Variants in OSBPL3 observed in about 807,000 individuals in gnomAD.
OSBPL3 encodes oxysterol-binding protein-related protein 3.
In OSBPL3, 65 loss-of-function variants were observed where a neutral mutation model predicts 120.1. The ratio of observed to expected loss-of-function variants is 0.54; its 90% CI spans 0.44 to 0.67. OSBPL3 has a LOEUF of 0.67. Among genes scored for constraint, OSBPL3 ranks in the 30% least tolerant of loss-of-function variants. The pLI, the probability that OSBPL3 is intolerant of heterozygous loss-of-function variation, is 0.00. For synonymous variants in OSBPL3, 416 were observed against 402.6 expected, an observed-to-expected ratio of 1.03 and a Z score of -0.40; for missense variants, 1,004 against 1,082.1, an observed-to-expected ratio of 0.93 and a Z score of 1.01.
At chr7:24,929,826 T>C (rs1344942116) in intron 1 of OSBPL3, among the ~76,000 whole-genome samples, 1 of 152,212 alleles carries the variant, frequency 6.6e-6, no homozygotes, top group Non-Finnish European at 1.5e-5. Flanking sequence ...TCATGTATGT[T>C]TTGCTCACTA....
intron 10 of OSBPL3, among the ~76,000 whole-genome samples, chr7:24,859,189 G>A (rs1800196366): frequency 6.6e-6 from 1 of 152,060 alleles, no homozygotes; most frequent in Non-Finnish European, 1.5e-5. Context: ...TAGAGGGTAA[G>A]GGAAGAGAGA....
intron 1 of OSBPL3, among the ~76,000 whole-genome samples, chr7:24,963,740 G>A (rs1227458860): frequency 6.6e-6 from 1 of 152,164 alleles, no homozygotes; most frequent in Non-Finnish European, 1.5e-5. Flanking sequence ...CACCTTTTGA[G>A]GTGTCTATTT....
rs188558292 is a variant in OSBPL3 at position 24,895,268 on chromosome 7, T to C, written c.-149-2647A>G. The stretch of plus-strand genomic sequence containing the variant: ...TGGTGGTCCCATAAGACTATAATTC[T>C]GTATTTTCACTGTACTTTCTCTGTG... On this transcript the variant is annotated intron_variant, in intron 1 of 22. Transcript: ENST00000313367. Among the ~76,000 whole-genome samples, 134 of 152,338 alleles carry C rather than the reference T, an allele frequency of 8.8e-4. 1 individual carries two copies. The Middle Eastern group carries it at 0.014, about 15-fold the overall frequency.
In OSBPL3 at chr7:24,927,140, A is replaced by T. The variant is rs189107503; in HGVS notation, c.-149-34519T>A. On this transcript the variant is annotated intron_variant, in intron 1 of 22. Coordinates refer to ENST00000313367, the MANE Select transcript of OSBPL3 (RefSeq NM_015550.4). ...AATGCTGCTTCCATTGTATGTCTGGAACTCATTTCAAGAGGATTCGTATGT... is the reference window on the plus strand; with the variant it reads ...AATGCTGCTTCCATTGTATGTCTGGTACTCATTTCAAGAGGATTCGTATGT... 2.6e-5 allele frequency among the ~76,000 whole-genome samples: 4 copies of T among 152,304 alleles called. No homozygotes were observed. The East Asian group carries it at 7.7e-4, about 29-fold the overall frequency.
intron 5 of OSBPL3, among the ~76,000 whole-genome samples, chr7:24,868,344 T>A (rs1400632130): frequency 2.7e-3 from 266 of 96,860 alleles, no homozygotes; most frequent in African/African-American, 0.012. Flanking sequence ...AAAAAGTGTG[T>A]GTGTGTGTGT....
At position 24,937,966 on chromosome 7, in the gene OSBPL3, G is replaced by A. The variant is rs534912418; in HGVS notation, c.-150+41920C>T. On this transcript the variant is annotated intron_variant, in intron 1 of 22. Coordinates refer to ENST00000313367, the MANE Select transcript of OSBPL3 (RefSeq NM_015550.4). This position sits in a 1 kb window ranked among gnomAD's most constrained non-coding sequence, Gnocchi z 4.0. ...GTGAAGGACAGAGAAGAAAACTATG[G>A]AGTGTTCTGCTTGGGTAACAAAAGT... is the stretch of plus-strand genomic sequence containing the variant. 3.0e-4 allele frequency among the ~76,000 whole-genome samples: 46 copies of A among 152,278 alleles called. No homozygotes were observed. The highest frequency in any genetic ancestry group is 1.1e-3 in the African/African-American group (45 of 41,540).
intron 7 of OSBPL3, among the ~76,000 whole-genome samples, chr7:24,865,053 T>A (rs966084981): frequency 6.6e-6 from 1 of 152,204 alleles, no homozygotes; most frequent in Non-Finnish European, 1.5e-5. Flanking sequence ...TGTCAGACTC[T>A]GCCCTTGGAG....
rs1192906587 is a variant in OSBPL3 at position 24,851,458 on chromosome 7, G to A, written c.1158+1046C>T. 6.6e-6 allele frequency among the ~76,000 whole-genome samples: 1 copy of A among 152,106 alleles called. No individual in the cohort carries two copies. Among genetic ancestry groups the A allele is most frequent in the African/African-American group, 2.4e-5 (1 of 41,412 alleles). The stretch of plus-strand genomic sequence containing the variant: ...GGATTTATCACTAACATTATATTAA[G>A]AGCATCACTTTTCTTGGCAATACGA... On this transcript the variant is annotated intron_variant, in intron 11 of 22. Transcript: ENST00000313367. The surrounding 1 kb of genome is among the most constrained non-coding windows in gnomAD (Gnocchi z 4.1).
intron 1 of OSBPL3, among the ~76,000 whole-genome samples, chr7:24,910,533 A>C (rs879439868): frequency 6.6e-6 from 1 of 152,276 alleles, no homozygotes; most frequent in Non-Finnish European, 1.5e-5. Flanking sequence ...AACTCAATTC[A>C]GTATATATCC....
chr7:24,901,562 C>T (rs1807044395), intron 1 of OSBPL3, among the ~76,000 whole-genome samples: 1 of 152,156 alleles, frequency 6.6e-6, no homozygotes, highest in Non-Finnish European at 1.5e-5. Context: ...TATGTACTGT[C>T]CAGACTTTAT....
chr7:24,837,008 G>C (rs543357089), intron 14 of OSBPL3, among the ~76,000 whole-genome samples: 60 of 151,728 alleles, frequency 4.0e-4, no homozygotes, highest in Middle Eastern at 6.8e-3. Context: ...CTAATTTTTT[G>C]TATTTTTGTA....
rs1389384261 is a variant in OSBPL3, at chr7:24,896,041, AGT to A, written c.-149-3422_-149-3421del. Among the ~76,000 whole-genome samples the A allele has an allele frequency of 6.6e-6, 1 of 152,192 alleles. No homozygotes were observed. Among genetic ancestry groups the A allele is most frequent in the African/African-American group, 2.4e-5 (1 of 41,446 alleles). Reference sequence around the variant, plus strand: ...TGTCCCTGAGTAAATCTCTCCTGCAAGTACTTGTCAACATGCCTTAAGGATGG... The same window carrying A: ...TGTCCCTGAGTAAATCTCTCCTGCAAACTTGTCAACATGCCTTAAGGATGG... On this transcript the variant is annotated intron_variant, in intron 1 of 22. Coordinates refer to ENST00000313367, the MANE Select transcript of OSBPL3 (RefSeq NM_015550.4). The surrounding 1 kb of genome is among the most constrained non-coding windows in gnomAD (Gnocchi z 4.4).
Position 24,824,070 on chromosome 7 carries a change from T to A in OSBPL3, c.1885-3832A>T, listed in dbSNP as rs563652667. 1.8e-4 allele frequency among the ~76,000 whole-genome samples: 28 copies of A among 152,314 alleles called. No homozygotes were observed. In the South Asian group the frequency reaches 4.6e-3, roughly 25 times the overall value. On this transcript the variant is annotated intron_variant, in intron 16 of 22. Transcript: ENST00000313367. This position sits in a 1 kb window ranked among gnomAD's most constrained non-coding sequence, Gnocchi z 4.9. ...ATAAACCCAATTTAGACTTTTTTTT[T>A]AAGCATTCTTCCCTATCACGTCCTC...
Position 24,872,359 on chromosome 7 carries a change from T to A in OSBPL3, c.97-290A>T, listed in dbSNP as rs1168350465. Among the ~76,000 whole-genome samples the A allele has an allele frequency of 6.6e-6, 1 of 152,132 alleles. No homozygotes were observed. Among genetic ancestry groups the A allele is most frequent in the African/African-American group, 2.4e-5 (1 of 41,428 alleles). Reference sequence around the variant, plus strand: ...GCACAGCTAAATGTAAAGATTTTCCTGTAAGTTCTATTTTTGTTCAGTTTG... The same window carrying A: ...GCACAGCTAAATGTAAAGATTTTCCAGTAAGTTCTATTTTTGTTCAGTTTG... On this transcript the variant is annotated intron_variant, in intron 2 of 22. Transcript: ENST00000313367. This position sits in a 1 kb window ranked among gnomAD's most constrained non-coding sequence, Gnocchi z 4.1.
rs1814680713 is a variant in OSBPL3 at position 24,953,441 on chromosome 7, T to C, written c.-150+26445A>G. Among the ~76,000 whole-genome samples, 1 of 149,956 alleles carries C rather than the reference T, an allele frequency of 6.7e-6. No individual in the cohort carries two copies. The highest frequency in any genetic ancestry group is 1.5e-5 in the Non-Finnish European group (1 of 67,186). Reference sequence around the variant, plus strand: ...AATGTGTCTTATTAAAGTATTGTGTTAAAAAAAAAAGTATTACGTATCTGC... The same window carrying C: ...AATGTGTCTTATTAAAGTATTGTGTCAAAAAAAAAAGTATTACGTATCTGC... On this transcript the variant is annotated intron_variant, in intron 1 of 22. Transcript: ENST00000313367. This position sits in a 1 kb window ranked among gnomAD's most constrained non-coding sequence, Gnocchi z 4.3.
Position 24,849,118 on chromosome 7 carries a change from A to G in OSBPL3, c.1217T>C (p.Leu406Pro). The change falls in exon 12 of 23, where the codon CTG (leucine) becomes CCG (proline). Residue 406 changes from leucine to proline, a missense_variant. Around this residue, in one of 4 missense-constraint regions of OSBPL3, gnomAD observed 272 missense variants for 248.8 expected, o/e 1.09. Coordinates refer to ENST00000313367, the MANE Select transcript of OSBPL3 (RefSeq NM_015550.4). The surrounding 1 kb of genome is among the most constrained non-coding windows in gnomAD (Gnocchi z 5.4). The part of the protein sequence containing the change: ...ERLRRIHAES[L>P]LLDSPAVAKS... ...GGCGACAGCGGGGGAGTCGAGGAGCAGAGACTCGGCATGGATTCTGCGTAA... is the reference window on the plus strand; with the variant it reads ...GGCGACAGCGGGGGAGTCGAGGAGCGGAGACTCGGCATGGATTCTGCGTAA... 1 of 1,614,106 alleles carries G rather than the reference A, an allele frequency of 6.2e-7. No individual in the cohort carries two copies. The highest frequency in any genetic ancestry group is 1.1e-5 in the South Asian group (1 of 91,080).
At chr7:24,956,109 A>C (rs1815013076) in intron 1 of OSBPL3, among the ~76,000 whole-genome samples, 1 of 152,264 alleles carries the variant, frequency 6.6e-6, no homozygotes, top group Non-Finnish European at 1.5e-5. Flanking sequence ...TCCCAGGATG[A>C]AAGTGACCCA....
intron 12 of OSBPL3, among the ~76,000 whole-genome samples, chr7:24,846,227 C>T (rs1034682788): frequency 7.2e-5 from 11 of 152,060 alleles, no homozygotes; most frequent in Non-Finnish European, 7.4e-5. Context: ...CTTGGCATAC[C>T]GTTCTTCATT....
rs530695052 is a variant in OSBPL3, at chr7:24,826,850, C to T, written c.1884+3918G>A. On this transcript the variant is annotated intron_variant, in intron 16 of 22. Coordinates refer to ENST00000313367, the MANE Select transcript of OSBPL3 (RefSeq NM_015550.4). The stretch of plus-strand genomic sequence containing the variant: ...AGAAACAATACAGAGAGGCAAGCTT[C>T]GACAGAGTCGAACTCTCAAGCAGCA... Among the ~76,000 whole-genome samples the T allele has an allele frequency of 5.3e-5, 8 of 152,288 alleles. No homozygotes were observed. In the East Asian group the frequency reaches 1.3e-3, roughly 26 times the overall value.
Sources: allele counts gnomAD v4.1 joint callset (sites outside exome capture counted in the v4.1 genomes callset), GRCh38; gene constraint gnomAD v4.1.1; regional missense constraint gnomAD v4.1.1; non-coding constraint Gnocchi (gnomAD v3.1); transcripts MANE v1.5; gene names NCBI Gene and HGNC (gene_info 2026-07-23, HGNC 2026-07-21).